ZC3H12B: variants seen among roughly 807,000 people sequenced by gnomAD.
ZC3H12B encodes zinc finger CCCH-type containing 12B.
Under a neutral mutation model 43.9 loss-of-function variants are expected in ZC3H12B, and 7 were observed. That is an observed-to-expected ratio of 0.16 (90% CI 0.09 to 0.30). ZC3H12B has a LOEUF of 0.30. Ranked by LOEUF, ZC3H12B falls within the 10% of genes least tolerant of loss-of-function variation. The probability of loss-of-function intolerance (pLI) is 1.00; values close to 1 mark genes in which losing one functional copy is unlikely to be tolerated. For synonymous variants in ZC3H12B, 222 were observed against 241.7 expected, an observed-to-expected ratio of 0.92 and a Z score of 0.76; for missense variants, 475 against 670.2, an observed-to-expected ratio of 0.71 and a Z score of 3.22.
the ZC3H12B span, among the ~76,000 whole-genome samples, chrX:65,126,679 A>AT: frequency 0.23 from 21,219 of 93,375 alleles, 6,057 homozygotes; most frequent in African/African-American, 0.75. Context: ...GTTTTGTTCA[A>AT]TTTTTTTTTT....
the ZC3H12B span, among the ~76,000 whole-genome samples, chrX:65,078,769 A>G: frequency 9.0e-6 from 1 of 111,499 alleles, no homozygotes; most frequent in African/African-American, 3.3e-5. Context: ...TGTATATAGT[A>G]ATGGGGTACA....
the ZC3H12B span, chrX:65,186,532 C>A: frequency 4.1e-5 from 4 of 96,580 alleles, no homozygotes; most frequent in Admixed American, 4.5e-4. Context: ...GCTTATATTT[C>A]TTTTTTTTTT....
the ZC3H12B span, among the ~76,000 whole-genome samples, chrX:65,055,469 G>T: frequency 8.9e-6 from 1 of 111,884 alleles, no homozygotes; most frequent in Non-Finnish European, 1.9e-5. Flanking sequence ...TTTTTCATGT[G>T]TTGCTGGATT....
chrX:65,104,130 C>A, the ZC3H12B span, among the ~76,000 whole-genome samples: 5 of 111,636 alleles, frequency 4.5e-5, no homozygotes, highest in South Asian at 1.9e-3. Context: ...CTACAACCAT[C>A]TGATTGTTGA....
chrX:65,378,647 C>A (rs1195542134), intron 2 of ZC3H12B, among the ~76,000 whole-genome samples: 1 of 112,266 alleles, frequency 8.9e-6, no homozygotes, highest in Non-Finnish European at 1.9e-5. Context: ...CTACAGCTCC[C>A]AGTGTGAGTG....
chrX:65,152,317 G>T, the ZC3H12B span, among the ~76,000 whole-genome samples: 1 of 111,513 alleles, frequency 9.0e-6, no homozygotes, highest in Non-Finnish European at 1.9e-5. Context: ...TGACATGATT[G>T]TATATCTAGA....
At chrX:65,161,591 C>CT in the ZC3H12B span, among the ~76,000 whole-genome samples, 1 of 111,239 alleles carries the variant, frequency 9.0e-6, no homozygotes, top group Non-Finnish European at 1.9e-5. Context: ...CAACCCCTGC[C>CT]TTTTTTTGTT....
the ZC3H12B span, among the ~76,000 whole-genome samples, chrX:65,346,636 C>G: frequency 8.9e-6 from 1 of 112,076 alleles, no homozygotes; most frequent in African/African-American, 3.2e-5. Flanking sequence ...CCTAATTAAA[C>G]TAAAGAGCTT....
the ZC3H12B span, among the ~76,000 whole-genome samples, chrX:65,170,792 A>C: frequency 9.0e-6 from 1 of 111,543 alleles, no homozygotes; most frequent in Non-Finnish European, 1.9e-5. Flanking sequence ...TTTGATCTTC[A>C]ATCACTGATA....
chrX:65,203,944 A>T, the ZC3H12B span, among the ~76,000 whole-genome samples: 6 of 111,787 alleles, frequency 5.4e-5, no homozygotes, highest in Middle Eastern at 4.7e-3. Flanking sequence ...CTAGCTAGAG[A>T]TGTTATAAAT....
At chrX:65,429,461 C>T (rs2067124369) in intron 3 of ZC3H12B, among the ~76,000 whole-genome samples, 1 of 112,708 alleles carries the variant, frequency 8.9e-6, no homozygotes, top group Admixed American at 9.3e-5. Flanking sequence ...ATGGCTGAAG[C>T]CCTGTCTGGG....
chrX:65,131,432 C>T, the ZC3H12B span, among the ~76,000 whole-genome samples: 1 of 111,374 alleles, frequency 9.0e-6, no homozygotes, highest in African/African-American at 3.3e-5. Flanking sequence ...GGTGCGGTCC[C>T]AGCTCTTGTG....
At chrX:65,060,491 A>T in the ZC3H12B span, among the ~76,000 whole-genome samples, 2 of 112,093 alleles carry the variant, frequency 1.8e-5, no homozygotes, top group Non-Finnish European at 3.8e-5. Flanking sequence ...TGTTGATACG[A>T]TGTATTGCAC....
chrX:65,252,750 G>GT, the ZC3H12B span, among the ~76,000 whole-genome samples: 1 of 111,751 alleles, frequency 8.9e-6, no homozygotes, highest in East Asian at 2.8e-4. Flanking sequence ...ATTATACGTT[G>GT]TCAGTGATTT....
chrX:65,297,164 G>A, the ZC3H12B span, among the ~76,000 whole-genome samples: 2 of 111,074 alleles, frequency 1.8e-5, no homozygotes, highest in Non-Finnish European at 3.8e-5. Context: ...CAGACAAGAG[G>A]TAGAAATCAG....
the ZC3H12B span, among the ~76,000 whole-genome samples, chrX:65,083,077 C>A: frequency 1.2e-4 from 13 of 110,728 alleles, no homozygotes; most frequent in Non-Finnish European, 2.5e-4. Context: ...ATGATAGGAA[C>A]CTGCAAAAGA....
chrX:65,332,883 G>C, the ZC3H12B span, among the ~76,000 whole-genome samples: 1 of 112,128 alleles, frequency 8.9e-6, no homozygotes, highest in African/African-American at 3.2e-5. Flanking sequence ...ATCATGGTAA[G>C]ACCAATTTGG....
the ZC3H12B span, among the ~76,000 whole-genome samples, chrX:65,276,494 G>T: frequency 9.0e-6 from 1 of 111,306 alleles, no homozygotes; most frequent in East Asian, 2.8e-4. Context: ...GACTAACAGT[G>T]GATTTCTCAT....
the ZC3H12B span, among the ~76,000 whole-genome samples, chrX:65,349,796 A>G: frequency 8.9e-6 from 1 of 112,084 alleles, no homozygotes; most frequent in Non-Finnish European, 1.9e-5. Flanking sequence ...TCCCAAGTCT[A>G]AACCAAGAAG....
Sources: allele counts gnomAD v4.1 joint callset (sites outside exome capture counted in the v4.1 genomes callset), GRCh38; gene constraint gnomAD v4.1.1; transcripts MANE v1.5; gene names NCBI Gene and HGNC (gene_info 2026-07-23, HGNC 2026-07-21).